Variants in ZNF197 observed in about 807,000 individuals in gnomAD.
ZNF197 encodes zinc finger protein 197.
ZNF197 carries 14 observed loss-of-function variants against 27.4 expected under a neutral mutation model. That is an observed-to-expected ratio of 0.51 (90% CI 0.34 to 0.80). ZNF197 has a LOEUF of 0.80. Among genes scored for constraint, ZNF197 ranks in the 30% least tolerant of loss-of-function variants. The probability of loss-of-function intolerance (pLI) is 0.02; values close to 1 mark genes in which losing one functional copy is unlikely to be tolerated. For synonymous variants in ZNF197, 415 were observed against 420.0 expected (o/e 0.99, Z 0.15); for missense variants, 1,090 against 1,222.6 (o/e 0.89, Z 1.62).
chr3:44,630,388 G>T (rs983672596), intron 2 of ZNF197, among the ~76,000 whole-genome samples: 2 of 152,172 alleles, frequency 1.3e-5, no homozygotes, highest in Admixed American at 6.5e-5. Flanking sequence ...GGATCTTAAT[G>T]TAGCCTCTCA....
chr3:44,633,909 C>G lies in ZNF197; in HGVS notation c.769+1310C>G, dbSNP rs143589333. 5.3e-5 allele frequency among the ~76,000 whole-genome samples: 8 copies of G among 152,256 alleles called. No individual in the cohort carries two copies. In the East Asian group the frequency reaches 1.5e-3, roughly 29 times the overall value. On this transcript the variant is annotated intron_variant, in intron 5 of 5. Coordinates refer to ENST00000344387, the MANE Select transcript of ZNF197 (RefSeq NM_006991.5). ...TTTGTGTTAATTTTGTACCTAGCAA[C>G]TTTATTTTATTATCTTTAATAATTT... is the stretch of plus-strand genomic sequence containing the variant.
chr3:44,632,241 G>C (rs745377183), intron 4 of ZNF197, 45 bp downstream of exon 4: 10 of 1,599,232 alleles, frequency 6.3e-6, no homozygotes, highest in Admixed American at 1.7e-5. Context: ...CAGCGTAACT[G>C]TGGCTGAAGT....
Position 44,640,317 on chromosome 3 carries a change from T to C in ZNF197, c.770-1583T>C, listed in dbSNP as rs954696553. ...AACACTTCATTTCCTTATATAGAAATGTTTCATTATATAGAAGCAGCCCTC... is the reference window on the plus strand; with the variant it reads ...AACACTTCATTTCCTTATATAGAAACGTTTCATTATATAGAAGCAGCCCTC... On this transcript the variant is annotated intron_variant, in intron 5 of 5. Transcript: ENST00000344387. This position sits in a 1 kb window ranked among gnomAD's most constrained non-coding sequence, Gnocchi z 4.0. 3.3e-5 allele frequency among the ~76,000 whole-genome samples: 5 copies of C among 152,242 alleles called. No individual in the cohort carries two copies. Among genetic ancestry groups the C allele is most frequent in the African/African-American group, 1.2e-4 (5 of 41,460 alleles).
At chr3:44,636,295 A>G (rs1044539415) in intron 5 of ZNF197, among the ~76,000 whole-genome samples, 4 of 137,842 alleles carry the variant, frequency 2.9e-5, no homozygotes, top group Non-Finnish European at 4.6e-5. Context: ...ACAGAGCAAG[A>G]CTCCGTCTCA....
At chr3:44,632,044 C>A in intron 3 of ZNF197, 61 bp from the exon 4 acceptor site, 1 of 1,440,500 alleles carries the variant, frequency 6.9e-7, no homozygotes, top group Non-Finnish European at 9.8e-7. Flanking sequence ...TCCAGCTCTG[C>A]AAGTGGGGTC....
rs371621783 is a variant in ZNF197, at chr3:44,643,357, T to G, written c.2227T>G (p.Phe743Val). The G allele has an allele frequency of 7.9e-5, 127 of 1,613,940 alleles. No individual in the cohort carries two copies. The highest frequency in any genetic ancestry group is 1.0e-4 in the Non-Finnish European group (123 of 1,179,996). ...AYKCEDCGKA[F>V]SYNSSLLVHR... is the part of the protein sequence containing the mutation. ...CAAATGTGAGGATTGTGGGAAGGCTTTCAGTTACAATTCAAGCCTGCTTGT... is the reference window on the plus strand; with the variant it reads ...CAAATGTGAGGATTGTGGGAAGGCTGTCAGTTACAATTCAAGCCTGCTTGT... The change falls in exon 6 of 6, where the codon TTC becomes GTC. Residue 743 changes from phenylalanine (F) to valine (V), a missense_variant. Coordinates refer to ENST00000344387, the MANE Select transcript of ZNF197 (RefSeq NM_006991.5).
rs1559472952 is a variant in ZNF197 at position 44,642,240 on chromosome 3, T to C, written c.1110T>C (p.Tyr370=). Residue 370 remains tyrosine, a synonymous_variant, in exon 6 of 6, where the codon TAT becomes TAC. Coordinates refer to ENST00000344387, the MANE Select transcript of ZNF197 (RefSeq NM_006991.5). The part of the protein sequence containing the change: ...SLIGTEGKKF[Y]KCDMCCKHFN... ...TAGGTACTGAAGGAAAGAAGTTTTA[T>C]AAATGTGATATGTGTTGTAAACATT... 1 of 1,614,100 alleles carries C rather than the reference T, an allele frequency of 6.2e-7. No individual in the cohort carries two copies. Among genetic ancestry groups the C allele is most frequent in the Non-Finnish European group, 8.5e-7 (1 of 1,179,992 alleles).
At position 44,644,913 on chromosome 3, in the gene ZNF197, GT is replaced by G. The variant is rs2125828268; in HGVS notation, c.*699del. 1 of 983,550 alleles carries G rather than the reference GT, an allele frequency of 1.0e-6. No homozygotes were observed. Among genetic ancestry groups the G allele is most frequent in the East Asian group, 1.1e-4 (1 of 8,808 alleles). 60.9% of individuals were successfully genotyped at this position (983,550 alleles called of 1,614,324 possible). On this transcript the variant is annotated 3_prime_UTR_variant, in exon 6 of 6. Transcript: ENST00000344387. ...AATTTAATAATAAAAAGTGGACATTGTTTTTTAAAATGTGTATAGTATGCAT... is the reference window on the plus strand; with the variant it reads ...AATTTAATAATAAAAAGTGGACATTGTTTTTAAAATGTGTATAGTATGCAT...
In ZNF197 at chr3:44,644,746, G is replaced by A. The variant is rs1294744146; in HGVS notation, c.*526G>A. 1 of 985,674 alleles carries A rather than the reference G, an allele frequency of 1.0e-6. No individual in the cohort carries two copies. Among genetic ancestry groups the A allele is most frequent in the African/African-American group, 1.7e-5 (1 of 57,238 alleles). 61.1% of individuals were successfully genotyped at this position (985,674 alleles called of 1,614,324 possible). ...AATAAAAAGTAGACATGGGCTGGGTGCAGTGGCTCACTCCTGTAGTCCCAG... is the reference window on the plus strand; with the variant it reads ...AATAAAAAGTAGACATGGGCTGGGTACAGTGGCTCACTCCTGTAGTCCCAG... On this transcript the variant is annotated 3_prime_UTR_variant, in exon 6 of 6. Transcript: ENST00000344387.
In ZNF197 at chr3:44,643,840, T is replaced by G. The variant is rs1210117977; in HGVS notation, c.2710T>G (p.Cys904Gly). The G allele has an allele frequency of 6.2e-6, 10 of 1,613,520 alleles. No individual in the cohort carries two copies. Among genetic ancestry groups the G allele is most frequent in the Non-Finnish European group, 7.6e-6 (9 of 1,179,928 alleles). ...CCATACTGGAGAGAAACCTTATAAA[T>G]GTAATGAGTGTGGAAAAGACTTTAG... ...RIHTGEKPYK[C>G]NECGKDFSQN... Residue 904 changes from cysteine (C) to glycine (G), a missense_variant, in exon 6 of 6, where the codon TGT becomes GGT. Coordinates refer to ENST00000344387, the MANE Select transcript of ZNF197 (RefSeq NM_006991.5).
chr3:44,646,088 G>A lies in ZNF197; in HGVS notation c.*1868G>A, dbSNP rs1575505394. On this transcript the variant is annotated 3_prime_UTR_variant, in exon 6 of 6. Transcript: ENST00000344387. ...TGGTTCCTCATTAGAGTGAAAGGTAGCCAAGAGTGAAAACTGGAAGGGGCC... is the reference window on the plus strand; with the variant it reads ...TGGTTCCTCATTAGAGTGAAAGGTAACCAAGAGTGAAAACTGGAAGGGGCC... 3 of 985,210 alleles carry A rather than the reference G, an allele frequency of 3.0e-6. No individual in the cohort carries two copies. The highest frequency in any genetic ancestry group is 1.2e-4 in the Admixed American group (2 of 16,264). The allele number at this position is 985,210 out of a possible 1,614,324, so 61.0% of individuals were successfully genotyped here.
rs775111133 is a variant in ZNF197 at position 44,643,314 on chromosome 3, T to C, written c.2184T>C (p.His728=). 19 of 1,613,666 alleles carry C rather than the reference T, an allele frequency of 1.2e-5. No homozygotes were observed. The highest frequency in any genetic ancestry group is 1.5e-5 in the Non-Finnish European group (18 of 1,179,928). The change falls in exon 6 of 6, where the codon CAT becomes CAC. Residue 728 remains histidine, a synonymous_variant. Coordinates refer to ENST00000344387, the MANE Select transcript of ZNF197 (RefSeq NM_006991.5). ...GTTTTATGGTCCATCAGAAACTCCATACACAAGAGAAAGCCTACAAATGTG... is the reference window on the plus strand; with the variant it reads ...GTTTTATGGTCCATCAGAAACTCCACACACAAGAGAAAGCCTACAAATGTG... ...SKSFMVHQKL[H]TQEKAYKCED... is the part of the protein sequence containing the mutation.
chr3:44,633,499 A>G (rs995851858), intron 5 of ZNF197, among the ~76,000 whole-genome samples: 1 of 152,240 alleles, frequency 6.6e-6, no homozygotes, highest in Non-Finnish European at 1.5e-5. Context: ...GGGATTAGCA[A>G]AGGCCATAAA....
chr3:44,645,785 C>A lies in ZNF197; in HGVS notation c.*1565C>A. 2 of 985,418 alleles carry A rather than the reference C, an allele frequency of 2.0e-6. No homozygotes were observed. Among genetic ancestry groups the A allele is most frequent in the Non-Finnish European group, 2.4e-6 (2 of 829,926 alleles). 61.0% of individuals were successfully genotyped at this position (985,418 alleles called of 1,614,324 possible). On this transcript the variant is annotated 3_prime_UTR_variant, in exon 6 of 6. Transcript: ENST00000344387. ...GGGACATAAATTTTTCACATGGAGCCAAGCTCTTCACTGATTAAGCCAGTG... is the reference window on the plus strand; with the variant it reads ...GGGACATAAATTTTTCACATGGAGCAAAGCTCTTCACTGATTAAGCCAGTG...
rs1041567722 is a variant in ZNF197, at chr3:44,646,226, A to AAT, written c.*2009_*2010dup. On this transcript the variant is annotated 3_prime_UTR_variant, in exon 6 of 6. Transcript: ENST00000344387. Reference sequence around the variant, plus strand: ...TCCTCATCTGTTAAACAGGAGGAAGAATATCTACCTCACAAAGTTCTTATG... The same window carrying AAT: ...TCCTCATCTGTTAAACAGGAGGAAGAATATATCTACCTCACAAAGTTCTTATG... The AAT allele has an allele frequency of 3.2e-5, 31 of 981,476 alleles. No individual in the cohort carries two copies. In the African/African-American group the frequency reaches 5.4e-4, roughly 17 times the overall value. 60.8% of individuals were successfully genotyped at this position (981,476 alleles called of 1,614,324 possible). A position where few individuals can be genotyped will look rare whatever the true frequency, so the allele number is the denominator to read the frequency against.
chr3:44,642,979 A>T lies in ZNF197; in HGVS notation c.1849A>T (p.Ser617Cys). ...CTTCATTGACCATAAGAGGATGCACAGCAGAGAGAAACCTTACAAATGCAC... is the reference window on the plus strand; with the variant it reads ...CTTCATTGACCATAAGAGGATGCACTGCAGAGAGAAACCTTACAAATGCAC... Reference protein sequence around the residue: ...SNFIDHKRMHSREKPYKCTEC... With the variant: ...SNFIDHKRMHCREKPYKCTEC... The change falls in exon 6 of 6, where the codon AGC becomes TGC. Residue 617 changes from serine (S) to cysteine (C), a missense_variant. Physicochemically the swap from Ser to Cys is moderately radical, Grantham distance 112. Transcript: ENST00000344387. 6.2e-7 allele frequency: 1 copy of T among 1,613,932 alleles called. No individual in the cohort carries two copies. Among genetic ancestry groups the T allele is most frequent in the Non-Finnish European group, 8.5e-7 (1 of 1,179,968 alleles).
intron 5 of ZNF197, among the ~76,000 whole-genome samples, chr3:44,638,153 A>G (rs1020152411): frequency 6.6e-6 from 1 of 152,172 alleles, no homozygotes; most frequent in African/African-American, 2.4e-5. Flanking sequence ...AGTTTTCAGA[A>G]TATAAGAATA....
At chr3:44,628,562 C>A (rs760424620) in intron 1 of ZNF197, among the ~76,000 whole-genome samples, 4 of 152,182 alleles carry the variant, frequency 2.6e-5, no homozygotes, top group Non-Finnish European at 4.4e-5. Flanking sequence ...CTTGTTAACT[C>A]TGCGGAACAT....
At chr3:44,639,107 G>A (rs1242991536) in intron 5 of ZNF197, among the ~76,000 whole-genome samples, 3 of 152,206 alleles carry the variant, frequency 2.0e-5, no homozygotes, top group Non-Finnish European at 4.4e-5. Context: ...TCATTTCGTT[G>A]ATATGGTGTA....
Sources: allele counts gnomAD v4.1 joint callset (sites outside exome capture counted in the v4.1 genomes callset), GRCh38; gene constraint gnomAD v4.1.1; non-coding constraint Gnocchi (gnomAD v3.1); transcripts MANE v1.5; gene names NCBI Gene and HGNC (gene_info 2026-07-23, HGNC 2026-07-21).